The following SLC9A6 variants were observed in gnomAD, a reference collection of about 807,000 sequenced individuals.
SLC9A6 encodes the protein sodium/hydrogen exchanger 6.
A neutral mutation model predicts 45.3 loss-of-function variants in SLC9A6; 6 were observed. The observed-to-expected ratio is 0.13, with a 90% CI of 0.07 to 0.26. The LOEUF (loss-of-function observed/expected upper bound fraction) is 0.26, where lower values mean the gene tolerates loss of function less well. Ranked by LOEUF, SLC9A6 falls within the 10% of genes least tolerant of loss-of-function variation. The pLI is 1.00. For synonymous variants in SLC9A6, 191 were observed against 187.7 expected (o/e 1.02, Z -0.14); for missense variants, 278 against 503.7 (o/e 0.55, Z 4.29).
chrX:136,022,169 A>G (rs2071138159), intron 11 of SLC9A6, among the ~76,000 whole-genome samples: 2 of 111,722 alleles, frequency 1.8e-5, no homozygotes, highest in Admixed American at 9.6e-5. Flanking sequence ...AACACTGACA[A>G]TGAAAGTGAA....
intron 8 of SLC9A6, among the ~76,000 whole-genome samples, chrX:136,011,813 T>G (rs1458359276): frequency 1.8e-5 from 2 of 111,511 alleles, no homozygotes; most frequent in African/African-American, 6.5e-5. Flanking sequence ...AGCTCTGGCC[T>G]GGTGCAGTGG....
intron 12 of SLC9A6, among the ~76,000 whole-genome samples, chrX:136,023,940 A>G (rs1021683054): frequency 1.5e-4 from 16 of 106,574 alleles, no homozygotes; most frequent in Non-Finnish European, 2.5e-4. Context: ...CTCAGGTTGG[A>G]GTGCAGTGGT....
intron 2 of SLC9A6, among the ~76,000 whole-genome samples, chrX:135,990,967 C>T (rs781933191): frequency 1.2e-3 from 131 of 111,178 alleles, no homozygotes; most frequent in Non-Finnish European, 2.2e-3. Context: ...CTGTTTCTGT[C>T]TCATACAGGC....
chrX:135,984,588 G>A (rs991287447), upstream of SLC9A6, among the ~76,000 whole-genome samples: 3 of 111,942 alleles, frequency 2.7e-5, no homozygotes, highest in African/African-American at 9.8e-5. Flanking sequence ...AAATTCTGGT[G>A]AGAGAGGTTG....
chrX:136,022,789 A>G (rs1327190379), intron 12 of SLC9A6, 92 bp downstream of exon 12: 35 of 463,982 alleles, frequency 7.5e-5, no homozygotes, highest in Non-Finnish European at 1.3e-4. Flanking sequence ...TATGCTGGTC[A>G]TATAATACTC....
At chrX:135,991,841 G>A (rs1159850828) in intron 2 of SLC9A6, among the ~76,000 whole-genome samples, 12 of 109,133 alleles carry the variant, frequency 1.1e-4, no homozygotes, top group African/African-American at 4.0e-4. Context: ...TTCCTTCTCA[G>A]ACTCCTTCAT....
intron 16 of SLC9A6, among the ~76,000 whole-genome samples, chrX:136,039,813 T>G (rs2071475888): frequency 1.8e-5 from 2 of 111,620 alleles, no homozygotes; most frequent in Non-Finnish European, 1.9e-5. Flanking sequence ...GCTAGCAGAT[T>G]GGTCCCCATT....
intron 2 of SLC9A6, among the ~76,000 whole-genome samples, chrX:135,988,913 G>A (rs782305729): frequency 1.8e-5 from 2 of 110,914 alleles, no homozygotes; most frequent in Non-Finnish European, 3.8e-5. Context: ...GAGCCACCTC[G>A]CCTGGTCAGA....
chrX:136,025,624 TA>T (rs1255763744), intron 13 of SLC9A6, among the ~76,000 whole-genome samples: 3 of 112,160 alleles, frequency 2.7e-5, no homozygotes, highest in Non-Finnish European at 5.6e-5. Context: ...ATTATTACTT[TA>T]GGGAGGACCT....
At chrX:136,030,967 A>C (rs191422241) in intron 15 of SLC9A6, among the ~76,000 whole-genome samples, 2 of 112,217 alleles carry the variant, frequency 1.8e-5, no homozygotes, top group African/African-American at 3.2e-5. Context: ...ATTTGTCTTC[A>C]GGGTGAGGTT....
At chrX:135,986,899 A>G (rs2089347969) in intron 2 of SLC9A6, among the ~76,000 whole-genome samples, 2 of 111,455 alleles carry the variant, frequency 1.8e-5, no homozygotes, top group African/African-American at 6.5e-5. Flanking sequence ...ATGTGTGAAG[A>G]TTATCTTCAT....
Position 135,985,454 on chromosome X carries a change from C to A in SLC9A6, c.-80C>A, listed in dbSNP as rs1173164233. 3.4e-5 allele frequency: 33 copies of A among 963,803 alleles called. No individual in the cohort carries two copies. In the South Asian group the frequency reaches 8.3e-4, roughly 24 times the overall value. 79.4% of individuals were successfully genotyped at this position (963,803 alleles called of 1,213,427 possible). A position where few individuals can be genotyped will look rare whatever the true frequency, so the allele number is the denominator to read the frequency against. On this transcript the variant is annotated 5_prime_UTR_variant, in exon 1 of 18. Transcript: ENST00000630721. ...TCCCGTGAGCCCTCGGGGAGTGGTC[C>A]GACCGCGGGCGGCCGCCGGTGAGGT... is the stretch of plus-strand genomic sequence containing the variant.
chrX:136,034,900 A>T (rs1310853967), intron 16 of SLC9A6, among the ~76,000 whole-genome samples: 1 of 111,689 alleles, frequency 9.0e-6, no homozygotes, highest in Non-Finnish European at 1.9e-5. Context: ...CCACTCTCAT[A>T]TCTCTTGGGG....
chrX:136,016,860 T>G (rs2071029215), intron 11 of SLC9A6, 102 bp downstream of exon 11: 1 of 460,724 alleles, frequency 2.2e-6, no homozygotes, highest in Non-Finnish European at 3.7e-6. Flanking sequence ...ATATATACAG[T>G]TTTCCTCTGA....
rs1488888307 is a variant in SLC9A6 at position 135,987,220 on chromosome X, C to G, written c.169+1393C>G. ...TGGTTTTTATATTTAATATGTTTTGCATTTCATTTGCAGTGCACCTTAAGC... is the reference window on the plus strand; with the variant it reads ...TGGTTTTTATATTTAATATGTTTTGGATTTCATTTGCAGTGCACCTTAAGC... On this transcript the variant is annotated intron_variant, in intron 2 of 17. Transcript: ENST00000630721. 6.2e-5 allele frequency among the ~76,000 whole-genome samples: 7 copies of G among 112,090 alleles called. No individual in the cohort carries two copies. The East Asian group carries it at 1.9e-3, about 31-fold the overall frequency.
intron 1 of SLC9A6, among the ~76,000 whole-genome samples, chrX:135,979,289 G>A (rs1556613679): frequency 1.8e-5 from 2 of 111,230 alleles, no homozygotes; most frequent in African/African-American, 3.3e-5. Context: ...CTATACTGCT[G>A]CCTTAAGTCC....
At chrX:135,997,398 C>CTTT (rs1180028983) in intron 3 of SLC9A6, among the ~76,000 whole-genome samples, 13 of 63,301 alleles carry the variant, frequency 2.1e-4, no homozygotes, top group Non-Finnish European at 3.8e-4. Flanking sequence ...CATGCTTTCT[C>CTTT]TTTTTTTTTT....
intron 11 of SLC9A6, among the ~76,000 whole-genome samples, chrX:136,017,302 A>C (rs192853493): frequency 2.7e-3 from 295 of 110,385 alleles, no homozygotes; most frequent in Non-Finnish European, 4.3e-3. Flanking sequence ...CCTGTAGTCT[A>C]AGCTACTTGG....
Position 136,022,606 on chromosome X carries a change from A to G in SLC9A6, c.1215A>G (p.Arg405=). The change falls in exon 12 of 18, where the codon AGA becomes AGG. Residue 405 remains arginine (R), a synonymous_variant. Coordinates refer to ENST00000630721, the MANE Select transcript of SLC9A6 (RefSeq NM_001379110.1). ...VGAFVAIFLG[R]AANIYPLSLL... ...TTTAGGTTGCTATTTTCTTGGGAAGAGCTGCCAATATTTACCCCTTGTCCC... is the reference window on the plus strand; with the variant it reads ...TTTAGGTTGCTATTTTCTTGGGAAGGGCTGCCAATATTTACCCCTTGTCCC... 8.4e-7 allele frequency: 1 copy of G among 1,188,082 alleles called. No homozygotes were observed. The highest frequency in any genetic ancestry group is 1.1e-6 in the Non-Finnish European group (1 of 877,701).
Sources: allele counts gnomAD v4.1 joint callset (sites outside exome capture counted in the v4.1 genomes callset), GRCh38; gene constraint gnomAD v4.1.1; transcripts MANE v1.5; gene names NCBI Gene and HGNC (gene_info 2026-07-23, HGNC 2026-07-21).